PTPRG: variants seen among roughly 807,000 people sequenced by gnomAD.
The protein encoded by PTPRG is receptor-type tyrosine-protein phosphatase gamma.
Under a neutral mutation model 165.3 loss-of-function variants are expected in PTPRG, and 102 were observed. The ratio of observed to expected loss-of-function variants is 0.62; its 90% CI spans 0.53 to 0.73. The LOEUF is 0.73. Among genes scored for constraint, PTPRG ranks in the 30% least tolerant of loss-of-function variants. The probability of loss-of-function intolerance (pLI) is 0.00; values close to 1 mark genes in which losing one functional copy is unlikely to be tolerated. For synonymous variants in PTPRG, 675 were observed against 669.5 expected, an observed-to-expected ratio of 1.01 and a Z score of -0.13; for missense variants, 1,866 against 1,861.4, an observed-to-expected ratio of 1.00 and a Z score of -0.05.
chr3:61,792,364 C>A (rs1241379011), intron 2 of PTPRG, among the ~76,000 whole-genome samples: 1 of 152,018 alleles, frequency 6.6e-6, no homozygotes. Flanking sequence ...GCTGGGACTG[C>A]AGGTGTGCGC....
chr3:61,749,124 G>A (rs570468254), intron 2 of PTPRG, 142 bp downstream of exon 2: 36 of 774,566 alleles, frequency 4.6e-5, no homozygotes, highest in Middle Eastern at 2.3e-4. Flanking sequence ...TGAAATATTC[G>A]AGCCTGTTTT....
rs375174683 is a variant in PTPRG at position 61,939,128 on chromosome 3, C to T, written c.191-50497C>T. Among the ~76,000 whole-genome samples the T allele has an allele frequency of 1.2e-3, 179 of 152,284 alleles. 4 individuals carry two copies. The South Asian group carries it at 0.033, about 28-fold the overall frequency. On this transcript the variant is annotated intron_variant, in intron 2 of 29. Transcript: ENST00000474889. ...ACCATTTTGACAGTTGTTTGGATCC[C>T]GTTCAAACTGGCAGTCACACTTGTA...
At chr3:62,041,178 A>T (rs1357995822) in intron 4 of PTPRG, among the ~76,000 whole-genome samples, 1 of 152,192 alleles carries the variant, frequency 6.6e-6, no homozygotes, top group Admixed American at 6.5e-5. Flanking sequence ...TTCAGTGTTC[A>T]TTGAACATTT....
chr3:62,220,347 T>C (rs1700622544), intron 13 of PTPRG, among the ~76,000 whole-genome samples: 1 of 152,152 alleles, frequency 6.6e-6, no homozygotes, highest in African/African-American at 2.4e-5. Flanking sequence ...GAATACAGAC[T>C]GAAGAGGAGC....
intron 4 of PTPRG, among the ~76,000 whole-genome samples, chr3:62,004,849 T>C (rs2041257780): frequency 6.6e-6 from 1 of 152,218 alleles, no homozygotes; most frequent in African/African-American, 2.4e-5. Flanking sequence ...CTTGTCCTGC[T>C]TTGATAATCT....
At chr3:61,640,523 C>T (rs931292321) in intron 1 of PTPRG, among the ~76,000 whole-genome samples, 1 of 152,146 alleles carries the variant, frequency 6.6e-6, no homozygotes, top group African/African-American at 2.4e-5. Flanking sequence ...CCCCGTAAGA[C>T]CCCAAAAGGG....
chr3:61,563,801 C>A (rs114413498), intron 1 of PTPRG, among the ~76,000 whole-genome samples: 1 of 99,738 alleles, frequency 1.0e-5, no homozygotes, highest in East Asian at 4.5e-4. Flanking sequence ...GAGCCCTCGT[C>A]GCCCTTGGGG....
chr3:61,925,737 TATC>T (rs199837604), intron 2 of PTPRG, among the ~76,000 whole-genome samples: 1,936 of 133,752 alleles, frequency 0.014, 28 homozygotes, highest in Non-Finnish European at 0.019. Flanking sequence ...AATGAGACTC[TATC>T]TTTAAAAAAA....
intron 2 of PTPRG, among the ~76,000 whole-genome samples, chr3:61,911,954 G>A (rs1020149987): frequency 5.3e-5 from 8 of 152,114 alleles, no homozygotes; most frequent in African/African-American, 1.7e-4. Context: ...TGGTAAATCT[G>A]TGTATTTTTC....
intron 2 of PTPRG, among the ~76,000 whole-genome samples, chr3:61,950,879 A>G (rs2039883454): frequency 6.6e-6 from 1 of 152,196 alleles, no homozygotes. Context: ...TATTTGAAGA[A>G]CGGGATTTCT....
At chr3:61,714,790 C>T (rs893808227) in intron 1 of PTPRG, among the ~76,000 whole-genome samples, 1 of 152,200 alleles carries the variant, frequency 6.6e-6, no homozygotes, top group South Asian at 2.1e-4. Context: ...CCCAGACTTC[C>T]CTACCTCTGA....
chr3:62,094,651 C>G (rs1233230723), intron 5 of PTPRG, among the ~76,000 whole-genome samples: 3 of 152,218 alleles, frequency 2.0e-5, no homozygotes, highest in African/African-American at 7.2e-5. Flanking sequence ...TCTGGCAGCA[C>G]CTGCTGAGTT....
At chr3:62,278,459 T>C (rs1364723937) in intron 26 of PTPRG, among the ~76,000 whole-genome samples, 1 of 152,082 alleles carries the variant, frequency 6.6e-6, no homozygotes, top group African/African-American at 2.4e-5. Flanking sequence ...CTTAAATGTT[T>C]CTGCTTAGAT....
intron 4 of PTPRG, among the ~76,000 whole-genome samples, chr3:62,027,753 C>A (rs1436799307): frequency 1.3e-5 from 2 of 152,010 alleles, no homozygotes; most frequent in African/African-American, 4.8e-5. Context: ...AAAAACGTGC[C>A]CCAGAGCCAG....
chr3:61,677,810 G>T (rs1035219827), intron 1 of PTPRG, among the ~76,000 whole-genome samples: 7 of 152,144 alleles, frequency 4.6e-5, no homozygotes, highest in African/African-American at 1.7e-4. Flanking sequence ...AGCCCCTCTT[G>T]ATGTGGCACA....
chr3:61,719,777 C>T (rs2031971292), intron 1 of PTPRG, among the ~76,000 whole-genome samples: 1 of 152,196 alleles, frequency 6.6e-6, no homozygotes, highest in South Asian at 2.1e-4. Flanking sequence ...CACTCACTCA[C>T]TCTGCTCTAG....
intron 14 of PTPRG, among the ~76,000 whole-genome samples, chr3:62,235,134 G>C (rs1701000126): frequency 6.6e-6 from 1 of 152,146 alleles, no homozygotes; most frequent in East Asian, 1.9e-4. Flanking sequence ...AAAAATATGT[G>C]CAGTAAATAT....
intron 4 of PTPRG, among the ~76,000 whole-genome samples, chr3:62,046,935 T>C (rs1315555909): frequency 6.6e-6 from 1 of 152,142 alleles, no homozygotes; most frequent in African/African-American, 2.4e-5. Flanking sequence ...ATTATGAACA[T>C]TATGCCGTTC....
In PTPRG at chr3:61,833,067, TTG is replaced by T. The variant is rs113069211; in HGVS notation, c.190+84113_190+84114del. Among the ~76,000 whole-genome samples, 281 of 146,646 alleles carry T rather than the reference TTG, an allele frequency of 1.9e-3. 1 individual carries two copies. The highest frequency in any genetic ancestry group is 3.9e-3 in the South Asian group (18 of 4,582). On this transcript the variant is annotated intron_variant, in intron 2 of 29. Coordinates refer to ENST00000474889, the MANE Select transcript of PTPRG (RefSeq NM_002841.4). Reference sequence around the variant, plus strand: ...CTTTTTATGTCTGAGTAGTATTCCATTGTGTGTGTGTGTGTGTGTGTGTGTGT... The same window carrying T: ...CTTTTTATGTCTGAGTAGTATTCCATTGTGTGTGTGTGTGTGTGTGTGTGT...
Sources: allele counts gnomAD v4.1 joint callset (sites outside exome capture counted in the v4.1 genomes callset), GRCh38; gene constraint gnomAD v4.1.1; transcripts MANE v1.5; gene names NCBI Gene and HGNC (gene_info 2026-07-23, HGNC 2026-07-21).